ST18: variants seen among roughly 807,000 people sequenced by gnomAD.
ST18 encodes ST18 C2H2C-type zinc finger transcription factor, also known as suppression of tumorigenicity 18 protein.
ST18 carries 50 observed loss-of-function variants against 110.0 expected under a neutral mutation model. The ratio of observed to expected loss-of-function variants is 0.45; its 90% confidence interval spans 0.36 to 0.58. The LOEUF is 0.58. ST18 is among the 20% of genes least tolerant of loss of function. The pLI is 0.00. For synonymous variants in ST18, 461 were observed against 452.4 expected (o/e 1.02, Z -0.24); for missense variants, 1,306 against 1,280.1 (o/e 1.02, Z -0.31).
chr8:52,236,643 C>T (rs1253000183), intron 2 of ST18, among the ~76,000 whole-genome samples: 1 of 151,402 alleles, frequency 6.6e-6, no homozygotes, highest in East Asian at 1.9e-4. Context: ...ATATCTGATG[C>T]CAACATTCCT....
intron 25 of ST18, among the ~76,000 whole-genome samples, chr8:52,114,859 C>T (rs1208505096): frequency 6.6e-6 from 1 of 152,198 alleles, no homozygotes; most frequent in Admixed American, 6.5e-5. Flanking sequence ...GTGATCAGCA[C>T]TAAAAATCAC....
At chr8:52,212,046 T>C (rs1382529912) in intron 8 of ST18, 33 bp downstream of exon 8, 9 of 1,593,974 alleles carry the variant, frequency 5.6e-6, no homozygotes, top group Non-Finnish European at 7.7e-6. Flanking sequence ...GGCCCATTAA[T>C]GTGAAAAAAA....
intron 2 of ST18, among the ~76,000 whole-genome samples, chr8:52,243,266 G>T: frequency 6.6e-6 from 1 of 152,138 alleles, no homozygotes; most frequent in East Asian, 1.9e-4. Context: ...GAATTTGGGG[G>T]ATGAAAATGT....
intron 8 of ST18, among the ~76,000 whole-genome samples, chr8:52,191,772 A>G (rs1388631323): frequency 6.6e-6 from 1 of 152,154 alleles, no homozygotes; most frequent in Non-Finnish European, 1.5e-5. Context: ...GCATGGAGAG[A>G]AAAGTGCCTG....
At chr8:52,362,816 T>C (rs1826261927) in intron 2 of ST18, among the ~76,000 whole-genome samples, 1 of 152,152 alleles carries the variant, frequency 6.6e-6, no homozygotes, top group South Asian at 2.1e-4. Context: ...TTACACTTAA[T>C]GCCTTTGGTA....
At chr8:52,183,199 A>G (rs1025414066) in intron 8 of ST18, among the ~76,000 whole-genome samples, 2 of 152,306 alleles carry the variant, frequency 1.3e-5, no homozygotes, top group Non-Finnish European at 2.9e-5. Context: ...CTCTCTAACT[A>G]GAAGAAAGAT....
At chr8:52,152,263 C>T (rs1353373227) in intron 15 of ST18, among the ~76,000 whole-genome samples, 2 of 152,118 alleles carry the variant, frequency 1.3e-5, no homozygotes, top group South Asian at 2.1e-4. Flanking sequence ...GGCGATCACA[C>T]GTTTACAGCA....
At chr8:52,335,307 C>T (rs1811512471) in intron 2 of ST18, among the ~76,000 whole-genome samples, 1 of 152,112 alleles carries the variant, frequency 6.6e-6, no homozygotes, top group South Asian at 2.1e-4. Context: ...ATCCAGGAAT[C>T]TTCCTTGACA....
At chr8:52,274,150 GA>G (rs2095164071) in intron 2 of ST18, among the ~76,000 whole-genome samples, 1 of 152,062 alleles carries the variant, frequency 6.6e-6, no homozygotes, top group African/African-American at 2.4e-5. Context: ...TAGAAAGCTT[GA>G]AAATAATTGA....
At chr8:52,308,330 A>C (rs1272497954) in intron 2 of ST18, among the ~76,000 whole-genome samples, 1 of 152,230 alleles carries the variant, frequency 6.6e-6, no homozygotes, top group Non-Finnish European at 1.5e-5. Context: ...TATCTTGTAG[A>C]ACATTGTACT....
rs530588821 is a variant in ST18 at position 52,275,637 on chromosome 8, T to A, written c.-464-45560A>T. ...ATGGTTTTTAGAAACTAAGCAGACA[T>A]ATCTGTAAAATGAAAATGTTAGAAT... On this transcript the variant is annotated intron_variant, in intron 2 of 25. Transcript: ENST00000689386. Among the ~76,000 whole-genome samples the A allele has an allele frequency of 1.6e-3, 243 of 152,264 alleles. 2 individuals are homozygous for A. The highest frequency in any genetic ancestry group is 5.6e-3 in the African/African-American group (232 of 41,542).
chr8:52,177,311 G>C (rs899717735), intron 9 of ST18, among the ~76,000 whole-genome samples: 1 of 152,214 alleles, frequency 6.6e-6, no homozygotes, highest in African/African-American at 2.4e-5. Context: ...TATGGATGAA[G>C]TCTGTGCCAT....
chr8:52,357,946 G>A (rs902939773), intron 2 of ST18, among the ~76,000 whole-genome samples: 2 of 150,804 alleles, frequency 1.3e-5, no homozygotes, highest in Admixed American at 6.6e-5. Flanking sequence ...TAGACCATAT[G>A]TTGAACCACA....
chr8:52,387,648 G>A (rs905148234), intron 2 of ST18, among the ~76,000 whole-genome samples: 4 of 151,900 alleles, frequency 2.6e-5, no homozygotes, highest in African/African-American at 7.3e-5. Flanking sequence ...ACAAAATGCT[G>A]ACTTTCCTCA....
At chr8:52,130,166 A>AGAAAGAAAGAAG (rs879910173) in intron 22 of ST18, among the ~76,000 whole-genome samples, 2 of 120,040 alleles carry the variant, frequency 1.7e-5, no homozygotes, top group Non-Finnish European at 3.7e-5. Flanking sequence ...AAAGAAAGAA[A>AGAAAGAAAGAAG]AAGAAAAGAA....
intron 2 of ST18, among the ~76,000 whole-genome samples, chr8:52,349,918 G>A (rs1208026991): frequency 6.6e-6 from 1 of 152,114 alleles, no homozygotes. Context: ...CCCTAGCAGG[G>A]GCTGGAGCTT....
chr8:52,392,047 C>T (rs554127242), intron 2 of ST18, among the ~76,000 whole-genome samples: 2 of 152,276 alleles, frequency 1.3e-5, no homozygotes, highest in African/African-American at 4.8e-5. Flanking sequence ...CCTCGGAAAG[C>T]TACTTAGCCT....
intron 8 of ST18, among the ~76,000 whole-genome samples, chr8:52,209,285 C>T (rs2081267461): frequency 6.6e-6 from 1 of 152,134 alleles, no homozygotes. Flanking sequence ...AGAAGCTGGC[C>T]TTTGAGTCAG....
chr8:52,326,385 G>A (rs1806429032), intron 2 of ST18, among the ~76,000 whole-genome samples: 1 of 152,104 alleles, frequency 6.6e-6, no homozygotes, highest in Non-Finnish European at 1.5e-5. Flanking sequence ...CCACCATGTA[G>A]GAAATGTTTA....
Sources: gnomAD v4.1 joint callset for allele counts (sites outside exome capture counted in the v4.1 genomes callset) on GRCh38, gnomAD v4.1.1 for gene constraint, MANE v1.5 for transcripts, NCBI Gene and HGNC (gene_info 2026-07-23, HGNC 2026-07-21) for gene names.